Variants in CYP7B1 observed in about 807,000 individuals in gnomAD.
The protein encoded by CYP7B1 is cytochrome P450 family 7 subfamily B member 1, also known as cytochrome P450 7B1.
CYP7B1 carries 29 observed loss-of-function variants against 42.7 expected under a neutral mutation model. The ratio of observed to expected loss-of-function variants is 0.68; its 90% confidence interval spans 0.51 to 0.93. The LOEUF (loss-of-function observed/expected upper bound fraction) is 0.93. Among genes scored for constraint, CYP7B1 ranks in the 40% least tolerant of loss-of-function variants. The pLI, the probability that CYP7B1 is intolerant of heterozygous loss-of-function variation, is 0.00. For synonymous variants in CYP7B1, 235 were observed against 218.2 expected (o/e 1.08, Z -0.68); for missense variants, 655 against 600.5 (o/e 1.09, Z -0.95).
chr8:64,697,640 G>C (rs183731353), intron 1 of CYP7B1, among the ~76,000 whole-genome samples: 1 of 152,288 alleles, frequency 6.6e-6, no homozygotes, highest in African/African-American at 2.4e-5. Context: ...TAGGAGATAC[G>C]CCACTGCTGC....
chr8:64,675,467 T>C (rs1162998780), intron 1 of CYP7B1, among the ~76,000 whole-genome samples: 1 of 150,700 alleles, frequency 6.6e-6, no homozygotes, highest in Non-Finnish European at 1.5e-5. Context: ...TTAATTTTAT[T>C]TTTTATTATT....
intron 1 of CYP7B1, among the ~76,000 whole-genome samples, chr8:64,784,297 C>T (rs1585913080): frequency 6.6e-6 from 1 of 152,118 alleles, no homozygotes; most frequent in East Asian, 1.9e-4. Flanking sequence ...AGAACAAATA[C>T]TTAATAAGTC....
At chr8:64,606,344 G>A (rs1044438815) in intron 4 of CYP7B1, among the ~76,000 whole-genome samples, 4 of 152,218 alleles carry the variant, frequency 2.6e-5, no homozygotes, top group South Asian at 4.1e-4. Flanking sequence ...GAAAAGCAAG[G>A]CTCGGCCTCC....
At chr8:64,649,396 G>A (rs970746214) in intron 1 of CYP7B1, among the ~76,000 whole-genome samples, 14 of 152,032 alleles carry the variant, frequency 9.2e-5, no homozygotes, top group East Asian at 1.9e-4. Flanking sequence ...ATTTTCTTCC[G>A]TTTTAAGGCT....
At chr8:64,679,327 C>A (rs924352535) in intron 1 of CYP7B1, among the ~76,000 whole-genome samples, 1 of 152,110 alleles carries the variant, frequency 6.6e-6, no homozygotes, top group African/African-American at 2.4e-5. Flanking sequence ...ATGCCAGTGA[C>A]AGGGGCTGAT....
intron 1 of CYP7B1, among the ~76,000 whole-genome samples, chr8:64,796,205 T>C (rs777228257): frequency 1.3e-5 from 2 of 152,178 alleles, no homozygotes; most frequent in Non-Finnish European, 2.9e-5. Flanking sequence ...AGGACATATA[T>C]CCAGAAACTC....
At position 64,624,445 on chromosome 8, in the gene CYP7B1, G is replaced by A. The variant is rs1805576798; in HGVS notation, c.217C>T (p.Leu73Phe). Residue 73 changes from leucine to phenylalanine, a missense_variant, in exon 2 of 6, where the codon CTT (leucine) becomes TTT (phenylalanine). Transcript: ENST00000310193. ...AAAGTGTCACCATGTTGCTTTTGAA[G>A]TGTTTTCATGAACCTTAAGGGGTCT... ...RKDPLRFMKT[L>F]QKQHGDTFTV... 1 of 1,613,352 alleles carries A rather than the reference G, an allele frequency of 6.2e-7. No individual in the cohort carries two copies. Among genetic ancestry groups the A allele is most frequent in the African/African-American group, 1.3e-5 (1 of 74,728 alleles).
At chr8:64,711,846 A>C (rs1226379411) in intron 1 of CYP7B1, among the ~76,000 whole-genome samples, 3 of 152,264 alleles carry the variant, frequency 2.0e-5, no homozygotes, top group African/African-American at 7.2e-5. Flanking sequence ...GCAGTGTAGC[A>C]TGTGTTAATA....
intron 1 of CYP7B1, among the ~76,000 whole-genome samples, chr8:64,793,079 G>C (rs1388328022): frequency 6.6e-6 from 1 of 152,102 alleles, no homozygotes; most frequent in Non-Finnish European, 1.5e-5. Flanking sequence ...GAAACTGAGA[G>C]AGGCAAGGAA....
At chr8:64,606,255 C>T (rs1441096537) in intron 4 of CYP7B1, among the ~76,000 whole-genome samples, 1 of 152,154 alleles carries the variant, frequency 6.6e-6, no homozygotes, top group African/African-American at 2.4e-5. Flanking sequence ...GGAACATGGG[C>T]TCTACTGCAG....
chr8:64,783,021 T>C (rs772964791), intron 1 of CYP7B1, among the ~76,000 whole-genome samples: 1 of 152,160 alleles, frequency 6.6e-6, no homozygotes, highest in Non-Finnish European at 1.5e-5. Flanking sequence ...GATTCTCTAT[T>C]AATCAAGAGC....
intron 1 of CYP7B1, among the ~76,000 whole-genome samples, chr8:64,764,765 A>G (rs982422432): frequency 6.6e-5 from 10 of 152,212 alleles, no homozygotes; most frequent in African/African-American, 2.4e-4. Context: ...AGTTCAGACT[A>G]TCCTAAGTCA....
In CYP7B1 at chr8:64,778,213, A is replaced by G. The variant is rs141599718; in HGVS notation, c.122+20253T>C. On this transcript the variant is annotated intron_variant, in intron 1 of 5. Coordinates refer to ENST00000310193, the MANE Select transcript of CYP7B1 (RefSeq NM_004820.5). ...TATATATATATATGTATACACACAT[A>G]TATTTATACATGTGTGTGTATATGT... Among the ~76,000 whole-genome samples, 416 of 146,960 alleles carry G rather than the reference A, an allele frequency of 2.8e-3. 4 individuals are homozygous for G. The highest frequency in any genetic ancestry group is 1.9e-3 in the Non-Finnish European group (128 of 66,538).
intron 4 of CYP7B1, among the ~76,000 whole-genome samples, chr8:64,606,355 C>T (rs936081963): frequency 1.3e-5 from 2 of 152,258 alleles, no homozygotes; most frequent in Non-Finnish European, 1.5e-5. Context: ...CTCGGCCTCC[C>T]ATGTACTGCT....
intron 1 of CYP7B1, among the ~76,000 whole-genome samples, chr8:64,682,744 G>T (rs754439697): frequency 3.9e-5 from 6 of 152,114 alleles, no homozygotes; most frequent in Non-Finnish European, 8.8e-5. Context: ...TTGATACCAC[G>T]GAATACTGGA....
intron 1 of CYP7B1, among the ~76,000 whole-genome samples, chr8:64,669,994 A>C (rs1308103474): frequency 6.6e-6 from 1 of 152,194 alleles, no homozygotes; most frequent in Non-Finnish European, 1.5e-5. Flanking sequence ...TAAATGTAAG[A>C]TTGTGTGTAA....
At chr8:64,606,965 C>T (rs1200093760) in intron 4 of CYP7B1, among the ~76,000 whole-genome samples, 1 of 152,150 alleles carries the variant, frequency 6.6e-6, no homozygotes, top group Non-Finnish European at 1.5e-5. Flanking sequence ...AAATTGCAGC[C>T]TCTACTTGTA....
chr8:64,789,752 T>C (rs1469465534), intron 1 of CYP7B1, among the ~76,000 whole-genome samples: 10 of 152,228 alleles, frequency 6.6e-5, no homozygotes, highest in Admixed American at 6.5e-4. Context: ...TGAGAAACCC[T>C]ACTTCAATGT....
chr8:64,606,309 C>T (rs1437651062), intron 4 of CYP7B1, among the ~76,000 whole-genome samples: 6 of 152,224 alleles, frequency 3.9e-5, no homozygotes, highest in Admixed American at 6.5e-5. Flanking sequence ...GCTGGCAGAA[C>T]ACCAAGGACC....
Sources: allele counts gnomAD v4.1 joint callset (sites outside exome capture counted in the v4.1 genomes callset), GRCh38; gene constraint gnomAD v4.1.1; transcripts MANE v1.5; gene names NCBI Gene and HGNC (gene_info 2026-07-23, HGNC 2026-07-21).